The following CACNA1B variants were observed in gnomAD, a reference collection of about 807,000 sequenced individuals.
CACNA1B encodes the protein voltage-dependent N-type calcium channel subunit alpha-1B.
CACNA1B carries 70 observed loss-of-function variants against 247.2 expected under a neutral mutation model. The observed-to-expected ratio is 0.28, with a 90% CI of 0.23 to 0.35. The LOEUF (loss-of-function observed/expected upper bound fraction) is 0.35, where lower values mean the gene tolerates loss of function less well. Among genes scored for constraint, CACNA1B ranks in the 10% least tolerant of loss-of-function variants. The pLI is 1.00. For synonymous variants in CACNA1B, 1,231 were observed against 1,294.4 expected, an observed-to-expected ratio of 0.95 and a Z score of 1.05; for missense variants, 2,367 against 3,197.4, an observed-to-expected ratio of 0.74 and a Z score of 6.26.
chr9:137,974,037 G>C lies in CACNA1B; in HGVS notation c.1544-1870G>C, dbSNP rs755030890. Among the ~76,000 whole-genome samples the C allele has an allele frequency of 1.1e-4, 17 of 152,214 alleles. No homozygotes were observed. The highest frequency in any genetic ancestry group is 3.9e-4 in the Admixed American group (6 of 15,288). ...CCTGGGTCCGAGCCCCTCGTGTGGG[G>C]AGCCCGAGGCCTTTGTGACCCACGC... On this transcript the variant is annotated intron_variant, in intron 11 of 46. Coordinates refer to ENST00000371372, the MANE Select transcript of CACNA1B (RefSeq NM_000718.4). The surrounding 1 kb of genome is among the most constrained non-coding windows in gnomAD (Gnocchi z 4.5).
rs1230908650 is a variant in CACNA1B, at chr9:138,054,053, AGAC to A, written c.3968+48_3968+50del. 1 of 1,571,370 alleles carries A rather than the reference AGAC, an allele frequency of 6.4e-7. No individual in the cohort carries two copies. The highest frequency in any genetic ancestry group is 1.3e-5 in the African/African-American group (1 of 74,160). ...GGTGGGACACACAGCCCCATGATGC[AGAC>A]AACACTGGGAGTTCCCTTGGGACCA... On this transcript the variant is annotated intron_variant, in intron 26 of 46. Transcript: ENST00000371372. This position sits in a 1 kb window ranked among gnomAD's most constrained non-coding sequence, Gnocchi z 4.6.
rs1961218350 is a variant in CACNA1B, at chr9:138,100,558, A to G, written c.5223-2153A>G. Among the ~76,000 whole-genome samples the G allele has an allele frequency of 1.3e-5, 2 of 152,074 alleles. No individual in the cohort carries two copies. Among genetic ancestry groups the G allele is most frequent in the Admixed American group, 1.3e-4 (2 of 15,278 alleles). On this transcript the variant is annotated intron_variant, in intron 37 of 46. Transcript: ENST00000371372. This position sits in a 1 kb window ranked among gnomAD's most constrained non-coding sequence, Gnocchi z 4.6. ...TTCAACATGATTTGGAGCTGATTGGACCGAGGGGGCTACACTGTAGGAGAG... is the reference window on the plus strand; with the variant it reads ...TTCAACATGATTTGGAGCTGATTGGGCCGAGGGGGCTACACTGTAGGAGAG...
chr9:138,050,407 C>T lies in CACNA1B; in HGVS notation c.3710+1092C>T, dbSNP rs1052735958. ...TCCGGGAGGGAACTGCCACCTGTGG[C>T]CACAGCCCGAGGACCGGGGACATCG... On this transcript the variant is annotated intron_variant, in intron 24 of 46. Coordinates refer to ENST00000371372, the MANE Select transcript of CACNA1B (RefSeq NM_000718.4). The surrounding 1 kb of genome is among the most constrained non-coding windows in gnomAD (Gnocchi z 5.2). Among the ~76,000 whole-genome samples the T allele has an allele frequency of 2.0e-5, 3 of 152,206 alleles. No homozygotes were observed. Among genetic ancestry groups the T allele is most frequent in the South Asian group, 4.1e-4 (2 of 4,830 alleles).
At chr9:138,075,947 T>TA (rs1304187665) in intron 35 of CACNA1B, 37 bp downstream of exon 35, 1 of 1,353,990 alleles carries the variant, frequency 7.4e-7, no homozygotes, top group Non-Finnish European at 1.0e-6. Context: ...ATGTCTGCTC[T>TA]TCCGTCGGGG....
rs1159557881 is a variant in CACNA1B at position 138,073,547 on chromosome 9, G to T, written c.4734G>T (p.Leu1578=). Residue 1578 remains leucine, a synonymous_variant, in exon 33 of 47, where the codon CTG becomes CTT. Transcript: ENST00000371372. The surrounding 1 kb of genome is among the most constrained non-coding windows in gnomAD (Gnocchi z 6.4). ...TTCGAGCTGCGCGGCTGATCAAGCTGCTCCGCCAGGGCTACACCATCCGCA... is the reference window on the plus strand; with the variant it reads ...TTCGAGCTGCGCGGCTGATCAAGCTTCTCCGCCAGGGCTACACCATCCGCA... ...RLFRAARLIK[L]LRQGYTIRIL... is the part of the protein sequence containing the mutation. The T allele has an allele frequency of 6.2e-7, 1 of 1,613,592 alleles. No homozygotes were observed. The highest frequency in any genetic ancestry group is 1.7e-5 in the Admixed American group (1 of 60,030).
At position 138,054,981 on chromosome 9, in the gene CACNA1B, T is replaced by C. The variant is rs1026974479; in HGVS notation, c.3968+975T>C. 6.6e-6 allele frequency among the ~76,000 whole-genome samples: 1 copy of C among 152,184 alleles called. No homozygotes were observed. Among genetic ancestry groups the C allele is most frequent in the Non-Finnish European group, 1.5e-5 (1 of 68,024 alleles). On this transcript the variant is annotated intron_variant, in intron 26 of 46. Coordinates refer to ENST00000371372, the MANE Select transcript of CACNA1B (RefSeq NM_000718.4). The surrounding 1 kb of genome is among the most constrained non-coding windows in gnomAD (Gnocchi z 4.6). ...TGGTCCTGTGTCTGCTGTCTGCCTC[T>C]TTCCTGTCGGTTACTAGGAATCATG...
At chr9:137,988,241 G>A (rs1257266732) in intron 15 of CACNA1B, among the ~76,000 whole-genome samples, 2 of 152,218 alleles carry the variant, frequency 1.3e-5, no homozygotes, top group Non-Finnish European at 2.9e-5. Flanking sequence ...GTCAGGCAAG[G>A]GAAACTGGGA....
chr9:137,958,929 T>C (rs946546709), intron 10 of CACNA1B, among the ~76,000 whole-genome samples: 1 of 152,226 alleles, frequency 6.6e-6, no homozygotes, highest in Non-Finnish European at 1.5e-5. Context: ...TGTCTGGACT[T>C]GGCCTTTGGT....
At chr9:138,098,597 G>A (rs1435871358) in intron 37 of CACNA1B, among the ~76,000 whole-genome samples, 1 of 152,218 alleles carries the variant, frequency 6.6e-6, no homozygotes, top group Non-Finnish European at 1.5e-5. Flanking sequence ...GCCGGCAAGA[G>A]CAGAGGCAGG....
intron 31 of CACNA1B, among the ~76,000 whole-genome samples, chr9:138,061,844 A>G (rs1358960186): frequency 6.6e-6 from 1 of 152,236 alleles, no homozygotes; most frequent in Non-Finnish European, 1.5e-5. Flanking sequence ...ATGGCACCAG[A>G]TGGAAGCCCA....
intron 6 of CACNA1B, among the ~76,000 whole-genome samples, chr9:137,938,686 C>A (rs1428640889): frequency 2.0e-5 from 3 of 152,070 alleles, no homozygotes; most frequent in African/African-American, 7.2e-5. Flanking sequence ...GATAAAAGGC[C>A]TTGTACAACA....
At position 138,121,855 on chromosome 9, in the gene CACNA1B, C is replaced by T. The variant is rs1319467335; in HGVS notation, c.6876C>T (p.Ser2292=). Residue 2292 remains serine (S), a synonymous_variant, in exon 47 of 47, where the codon TCC becomes TCT. Coordinates refer to ENST00000371372, the MANE Select transcript of CACNA1B (RefSeq NM_000718.4). This position sits in a 1 kb window ranked among gnomAD's most constrained non-coding sequence, Gnocchi z 6.8. ...EAVATNSGRS[S]RTSYVSSLTS... is the part of the protein sequence containing the mutation. ...TGGCCACCAACTCGGGCCGCTCCTC[C>T]AGGACTTCCTACGTGTCCTCCCTGA... 1 of 1,613,296 alleles carries T rather than the reference C, an allele frequency of 6.2e-7. No individual in the cohort carries two copies. Among genetic ancestry groups the T allele is most frequent in the Non-Finnish European group, 8.5e-7 (1 of 1,179,896 alleles).
In CACNA1B at chr9:137,952,366, C is replaced by T. The variant is rs202182509; in HGVS notation, c.1059C>T (p.Gly353=). The change falls in exon 7 of 47, where the codon GGC becomes GGT. Residue 353 remains glycine, a synonymous_variant. Coordinates refer to ENST00000371372, the MANE Select transcript of CACNA1B (RefSeq NM_000718.4). The surrounding 1 kb of genome is among the most constrained non-coding windows in gnomAD (Gnocchi z 4.8). ...TCTTCATGCTCAACCTGGTGCTGGG[C>T]GTGCTCTCGGGGTGAGAGACCATGT... ...GSFFMLNLVL[G]VLSGEFAKER... is the part of the protein sequence containing the mutation. 63 of 1,613,458 alleles carry T rather than the reference C, an allele frequency of 3.9e-5. No homozygotes were observed. The East Asian group carries it at 5.6e-4, about 14-fold the overall frequency.
Position 137,917,479 on chromosome 9 carries a change from T to A in CACNA1B, c.966+48T>A. 2 of 1,536,320 alleles carry A rather than the reference T, an allele frequency of 1.3e-6. No homozygotes were observed. Among genetic ancestry groups the A allele is most frequent in the Non-Finnish European group, 1.8e-6 (2 of 1,120,170 alleles). On this transcript the variant is annotated intron_variant, in intron 6 of 46. Coordinates refer to ENST00000371372, the MANE Select transcript of CACNA1B (RefSeq NM_000718.4). This position sits in a 1 kb window ranked among gnomAD's most constrained non-coding sequence, Gnocchi z 5.5. ...GCCTGAGGGCAGGCCCTGGACCTCC[T>A]GAGCTGGTGCCTCTGGGGGTCCATT...
intron 21 of CACNA1B, 31 bp from the exon 22 acceptor site, chr9:138,046,873 G>T: frequency 6.2e-7 from 1 of 1,606,488 alleles, no homozygotes; most frequent in East Asian, 2.2e-5. Context: ...CGGCTGGGGG[G>T]CCTTGTGGTG....
rs1958752626 is a variant in CACNA1B, at chr9:138,013,503, G to T, written c.2267+268G>T. 2.0e-5 allele frequency among the ~76,000 whole-genome samples: 3 copies of T among 152,124 alleles called. No individual in the cohort carries two copies. The South Asian group carries it at 6.2e-4, about 32-fold the overall frequency. ...TGCTGTGATATTCACTCCCTGGATA[G>T]CCTCAGGGTGGCTCCAGGCCCCTCC... On this transcript the variant is annotated intron_variant, in intron 18 of 46. Coordinates refer to ENST00000371372, the MANE Select transcript of CACNA1B (RefSeq NM_000718.4).
intron 16 of CACNA1B, among the ~76,000 whole-genome samples, chr9:138,009,085 A>G (rs1564235532): frequency 6.6e-6 from 1 of 152,232 alleles, no homozygotes; most frequent in East Asian, 1.9e-4. Context: ...GGCTGCTTCC[A>G]GTGATGGGTG....
chr9:138,011,565 G>A lies in CACNA1B; in HGVS notation c.2160+1488G>A, dbSNP rs967702619. ...TACAGCACTATGTACCTTTTGAAGC[G>A]AGGATAAACTTGAATTTGTTTTAGA... On this transcript the variant is annotated intron_variant, in intron 17 of 46. Coordinates refer to ENST00000371372, the MANE Select transcript of CACNA1B (RefSeq NM_000718.4). This position sits in a 1 kb window ranked among gnomAD's most constrained non-coding sequence, Gnocchi z 4.2. Among the ~76,000 whole-genome samples, 4 of 152,180 alleles carry A rather than the reference G, an allele frequency of 2.6e-5. No individual in the cohort carries two copies. The highest frequency in any genetic ancestry group is 9.7e-5 in the African/African-American group (4 of 41,450).
At chr9:138,026,547 CT>C (rs1958923060) in intron 20 of CACNA1B, among the ~76,000 whole-genome samples, 2 of 152,194 alleles carry the variant, frequency 1.3e-5, no homozygotes, top group African/African-American at 4.8e-5. Context: ...TTCAGATTGG[CT>C]TCTTTCCATT....
Sources: gnomAD v4.1 joint callset for allele counts (sites outside exome capture counted in the v4.1 genomes callset) on GRCh38, gnomAD v4.1.1 for gene constraint, Gnocchi (gnomAD v3.1) non-coding constraint, MANE v1.5 for transcripts, NCBI Gene and HGNC (gene_info 2026-07-23, HGNC 2026-07-21) for gene names.